FAM167B: variants seen among roughly 807,000 people sequenced by gnomAD.
The protein encoded by FAM167B is family with sequence similarity 167 member B, also known as protein FAM167B.
Under a neutral mutation model 15.4 loss-of-function variants are expected in FAM167B, and 7 were observed. The ratio of observed to expected loss-of-function variants is 0.46; its 90% CI spans 0.26 to 0.86. The LOEUF (loss-of-function observed/expected upper bound fraction) is 0.86. Ranked by LOEUF, FAM167B falls within the 40% of genes least tolerant of loss-of-function variation. FAM167B has a pLI of 0.17. For missense variants in FAM167B, 207 were observed against 208.3 expected (o/e 0.99, Z 0.04); for synonymous variants, 100 against 94.6 (o/e 1.06, Z -0.33).
chr1:32,248,399 T>C lies in FAM167B; in HGVS notation c.290T>C (p.Leu97Pro), dbSNP rs1440461195. Residue 97 changes from leucine (L) to proline (P), a missense_variant, in exon 2 of 2, where the codon CTG becomes CCG. Physicochemically the swap from Leu to Pro is moderately conservative, Grantham distance 98. Coordinates refer to ENST00000373582, the MANE Select transcript of FAM167B (RefSeq NM_032648.3). ...GAGATGCAGGCGCAGGACAGGCAGC[T>C]GGCAGGGCAGCTGCTGCGGCTGCGG... ...LREMQAQDRQLAGQLLRLRAQ... is the reference protein window; with the variant it reads ...LREMQAQDRQPAGQLLRLRAQ... 5.0e-6 allele frequency: 8 copies of C among 1,593,204 alleles called. No homozygotes were observed. In the African/African-American group the frequency reaches 8.0e-5, roughly 16 times the overall value.
Position 32,247,318 on chromosome 1 carries a change from C to T in FAM167B, c.-104C>T. ...TGACCACCACACACTCCCTGGCACG[C>T]TCTTCTCACCCTCAACTTCTGCCAC... On this transcript the variant is annotated 5_prime_UTR_variant, in exon 1 of 2. Transcript: ENST00000373582. The T allele has an allele frequency of 7.0e-7, 1 of 1,421,712 alleles. No individual in the cohort carries two copies. The highest frequency in any genetic ancestry group is 9.3e-7 in the Non-Finnish European group (1 of 1,075,230). 88.1% of individuals were successfully genotyped at this position (1,421,712 alleles called of 1,614,324 possible).
rs769544178 is a variant in FAM167B at position 32,247,475 on chromosome 1, T to C, written c.54T>C (p.Asp18=). The change falls in exon 1 of 2, where the codon GAT becomes GAC. Residue 18 remains aspartate (D), a synonymous_variant. Transcript: ENST00000373582. ...CAGTGGGTGAAGAGGACGAGGAGGA[T>C]GAGGAGGGGGAGAGCCTGGACTCTG... is the stretch of plus-strand genomic sequence containing the variant. ...FQAVGEEDEE[D]EEGESLDSVK... is the part of the protein sequence containing the mutation. 3 of 1,597,298 alleles carry C rather than the reference T, an allele frequency of 1.9e-6. No individual in the cohort carries two copies. In the African/African-American group the frequency reaches 4.0e-5, roughly 22 times the overall value.
chr1:32,247,321 T>C lies in FAM167B; in HGVS notation c.-101T>C. The C allele has an allele frequency of 7.0e-7, 1 of 1,435,866 alleles. No homozygotes were observed. Among genetic ancestry groups the C allele is most frequent in the Non-Finnish European group, 9.2e-7 (1 of 1,086,110 alleles). 88.9% of individuals were successfully genotyped at this position (1,435,866 alleles called of 1,614,324 possible). A position where few individuals can be genotyped will look rare whatever the true frequency, so the allele number is the denominator to read the frequency against. ...CCACCACACACTCCCTGGCACGCTC[T>C]TCTCACCCTCAACTTCTGCCACCTC... On this transcript the variant is annotated 5_prime_UTR_variant, in exon 1 of 2. Coordinates refer to ENST00000373582, the MANE Select transcript of FAM167B (RefSeq NM_032648.3).
rs1041371404 is a variant in FAM167B, at chr1:32,248,600, G to A, written c.491G>A (p.Ter164=). ...AGCGCCCGGCGCTTCACCCTCTGCTGAGGAACACCTGTGCCCCCCGACTCC... is the reference window on the plus strand; with the variant it reads ...AGCGCCCGGCGCTTCACCCTCTGCTAAGGAACACCTGTGCCCCCCGACTCC... ...NISARRFTLC[*] The change falls in exon 2 of 2, where the codon TGA becomes TAA. Residue 164 remains the stop codon, a stop_retained_variant. Transcript: ENST00000373582. 4.6e-6 allele frequency: 7 copies of A among 1,534,716 alleles called. No individual in the cohort carries two copies. The African/African-American group carries it at 9.6e-5, about 21-fold the overall frequency.
rs1219148559 is a variant in FAM167B, at chr1:32,248,645, C to T, written c.*44C>T. ...GACTCCCCGCCCCCTCTCCCAATGCCGCTTCCCCTGCCTGCCTGGGAAGAG... is the reference window on the plus strand; with the variant it reads ...GACTCCCCGCCCCCTCTCCCAATGCTGCTTCCCCTGCCTGCCTGGGAAGAG... On this transcript the variant is annotated 3_prime_UTR_variant, in exon 2 of 2. Transcript: ENST00000373582. The T allele has an allele frequency of 6.9e-7, 1 of 1,456,034 alleles. No homozygotes were observed. The highest frequency in any genetic ancestry group is 2.3e-5 in the Admixed American group (1 of 44,274). 90.2% of individuals were successfully genotyped at this position (1,456,034 alleles called of 1,614,324 possible). A position where few individuals can be genotyped will look rare whatever the true frequency, so the allele number is the denominator to read the frequency against.
rs201866460 is a variant in FAM167B, at chr1:32,247,466, C to T, written c.45C>T (p.Asp15=). Residue 15 remains aspartate, a synonymous_variant, in exon 1 of 2, where the codon GAC becomes GAT. Coordinates refer to ENST00000373582, the MANE Select transcript of FAM167B (RefSeq NM_032648.3). ...AATTCCAGGCAGTGGGTGAAGAGGA[C>T]GAGGAGGATGAGGAGGGGGAGAGCC... ...LLKFQAVGEE[D]EEDEEGESLD... is the part of the protein sequence containing the mutation. 7.3e-5 allele frequency: 116 copies of T among 1,592,082 alleles called. No individual in the cohort carries two copies. In the Middle Eastern group the frequency reaches 1.2e-3, roughly 16 times the overall value.
chr1:32,247,296 C>T lies in FAM167B; in HGVS notation c.-126C>T. ...CCCCCTAACCCACCTTGAACATTGACCACCACACACTCCCTGGCACGCTCT... is the reference window on the plus strand; with the variant it reads ...CCCCCTAACCCACCTTGAACATTGATCACCACACACTCCCTGGCACGCTCT... On this transcript the variant is annotated 5_prime_UTR_variant, in exon 1 of 2. Coordinates refer to ENST00000373582, the MANE Select transcript of FAM167B (RefSeq NM_032648.3). 1 of 1,308,670 alleles carries T rather than the reference C, an allele frequency of 7.6e-7. No homozygotes were observed. The highest frequency in any genetic ancestry group is 2.9e-5 in the Admixed American group (1 of 35,022). The allele number at this position is 1,308,670 out of a possible 1,614,324, so 81.1% of individuals were successfully genotyped here.
At chr1:32,247,727 G>A in intron 1 of FAM167B, 45 bp downstream of exon 1, 1 of 1,447,752 alleles carries the variant, frequency 6.9e-7, no homozygotes, top group South Asian at 1.6e-5. Flanking sequence ...CCTTCAGGCT[G>A]GTCCTCCTTA....
rs201497447 is a variant in FAM167B at position 32,247,472 on chromosome 1, G to A, written c.51G>A (p.Glu17=). Residue 17 remains glutamate, a synonymous_variant, in exon 1 of 2, where the codon GAG becomes GAA. Transcript: ENST00000373582. ...AGGCAGTGGGTGAAGAGGACGAGGA[G>A]GATGAGGAGGGGGAGAGCCTGGACT... ...KFQAVGEEDE[E]DEEGESLDSV... 6 of 1,598,320 alleles carry A rather than the reference G, an allele frequency of 3.8e-6. No homozygotes were observed. The African/African-American group carries it at 5.4e-5, about 14-fold the overall frequency.
rs755694546 is a variant in FAM167B at position 32,247,589 on chromosome 1, C to T, written c.168C>T (p.Arg56=). Residue 56 remains arginine, a synonymous_variant, in exon 1 of 2, where the codon CGC becomes CGT. Coordinates refer to ENST00000373582, the MANE Select transcript of FAM167B (RefSeq NM_032648.3). ...WTAQVQSQAW[R]RAQAKPGPGG... is the part of the protein sequence containing the mutation. ...CCCAGGTCCAGAGCCAGGCCTGGCG[C>T]AGGGCCCAAGCCAAACCTGGACCAG... The T allele has an allele frequency of 6.4e-6, 10 of 1,573,900 alleles. No individual in the cohort carries two copies. The highest frequency in any genetic ancestry group is 7.8e-6 in the Non-Finnish European group (9 of 1,159,154).
At position 32,248,429 on chromosome 1, in the gene FAM167B, A is replaced by T; in HGVS notation, c.320A>T (p.Gln107Leu). 1.2e-6 allele frequency: 2 copies of T among 1,603,082 alleles called. No individual in the cohort carries two copies. The highest frequency in any genetic ancestry group is 1.7e-6 in the Non-Finnish European group (2 of 1,177,810). ...LAGQLLRLRA[Q>L]LHRLKMDQAC... ...GGGCAGCTGCTGCGGCTGCGGGCCCAGCTGCACCGACTGAAGATGGACCAA... is the reference window on the plus strand; with the variant it reads ...GGGCAGCTGCTGCGGCTGCGGGCCCTGCTGCACCGACTGAAGATGGACCAA... The change falls in exon 2 of 2, where the codon CAG (glutamine) becomes CTG (leucine). Residue 107 changes from glutamine to leucine, a missense_variant. Gln to Leu is a moderately radical substitution (Grantham distance 113). Transcript: ENST00000373582.
chr1:32,247,548 T>C lies in FAM167B; in HGVS notation c.127T>C (p.Tyr43His). 1 of 1,606,528 alleles carries C rather than the reference T, an allele frequency of 6.2e-7. No individual in the cohort carries two copies. The highest frequency in any genetic ancestry group is 8.5e-7 in the Non-Finnish European group (1 of 1,176,408). Reference sequence around the variant, plus strand: ...GCAGCTGCAGACTCGGCGGCCCTCATATCTGGAGTGGACAGCCCAGGTCCA... The same window carrying C: ...GCAGCTGCAGACTCGGCGGCCCTCACATCTGGAGTGGACAGCCCAGGTCCA... ...KLQLQTRRPS[Y>H]LEWTAQVQSQ... Residue 43 changes from tyrosine (Y) to histidine (H), a missense_variant, in exon 1 of 2, where the codon TAT becomes CAT. Transcript: ENST00000373582.
Position 32,247,420 on chromosome 1 carries a change from C to T in FAM167B, c.-2C>T. The T allele has an allele frequency of 2.6e-6, 4 of 1,528,818 alleles. No homozygotes were observed. Among genetic ancestry groups the T allele is most frequent in the Admixed American group, 2.0e-5 (1 of 49,514 alleles). 94.7% of individuals were successfully genotyped at this position (1,528,818 alleles called of 1,614,324 possible). On this transcript the variant is annotated 5_prime_UTR_variant, in exon 1 of 2. Coordinates refer to ENST00000373582, the MANE Select transcript of FAM167B (RefSeq NM_032648.3). Reference sequence around the variant, plus strand: ...TGCCCTGTCACTCACCTCAAACCTGCCATGTCCCTGGGGCTACTGAAATTC... The same window carrying T: ...TGCCCTGTCACTCACCTCAAACCTGTCATGTCCCTGGGGCTACTGAAATTC...
Position 32,247,643 on chromosome 1 carries a change from C to T in FAM167B, c.222C>T (p.Asp74=). The change falls in exon 1 of 2, where the codon GAC becomes GAT. Residue 74 remains aspartate, a synonymous_variant. Coordinates refer to ENST00000373582, the MANE Select transcript of FAM167B (RefSeq NM_032648.3). ...PGGPGDICGF[D]SMDSALEWLR... is the part of the protein sequence containing the mutation. Reference sequence around the variant, plus strand: ...GACCTGGGGACATCTGTGGTTTCGACTCAATGGACTCCGCCCTTGAGTGGC... The same window carrying T: ...GACCTGGGGACATCTGTGGTTTCGATTCAATGGACTCCGCCCTTGAGTGGC... 6.7e-7 allele frequency: 1 copy of T among 1,492,328 alleles called. No homozygotes were observed. Among genetic ancestry groups the T allele is most frequent in the Non-Finnish European group, 8.9e-7 (1 of 1,117,618 alleles). 92.4% of individuals were successfully genotyped at this position (1,492,328 alleles called of 1,614,324 possible).
Position 32,247,532 on chromosome 1 carries a change from G to C in FAM167B, c.111G>C (p.Gln37His), listed in dbSNP as rs371605638. 1.6e-5 allele frequency: 26 copies of C among 1,607,922 alleles called. No homozygotes were observed. Among genetic ancestry groups the C allele is most frequent in the Admixed American group, 3.4e-5 (2 of 59,118 alleles). Residue 37 changes from glutamine (Q) to histidine (H), a missense_variant, in exon 1 of 2, where the codon CAG (glutamine) becomes CAC (histidine). Physicochemically the swap from Gln to His is conservative, Grantham distance 24 (BLOSUM62 0). Transcript: ENST00000373582. ...VKALTAKLQL[Q>H]TRRPSYLEWT... ...CACTGACAGCCAAGCTGCAGCTGCA[G>C]ACTCGGCGGCCCTCATATCTGGAGT...
rs907058552 is a variant in FAM167B, at chr1:32,247,269, G to GC, written c.-147dup. The stretch of plus-strand genomic sequence containing the variant: ...CTGCTCACTCACCCTGGCACATTCA[G>GC]CCCCCCTAACCCACCTTGAACATTG... On this transcript the variant is annotated 5_prime_UTR_variant, in exon 1 of 2. Transcript: ENST00000373582. 1.3e-5 allele frequency: 13 copies of GC among 1,004,728 alleles called. No homozygotes were observed. Among genetic ancestry groups the GC allele is most frequent in the Admixed American group, 1.3e-4 (4 of 31,308 alleles). The allele number at this position is 1,004,728 out of a possible 1,614,324, so 62.2% of individuals were successfully genotyped here.
rs775773111 is a variant in FAM167B, at chr1:32,248,490, C to T, written c.381C>T (p.Ala127=). The change falls in exon 2 of 2, where the codon GCC becomes GCT. Residue 127 remains alanine (A), a synonymous_variant. Coordinates refer to ENST00000373582, the MANE Select transcript of FAM167B (RefSeq NM_032648.3). ...CHLHQELLDE[A]ELELELEPGA... is the part of the protein sequence containing the mutation. ...TGCACCAGGAGCTGCTGGATGAGGCCGAGCTGGAGCTGGAGCTGGAGCCCG... is the reference window on the plus strand; with the variant it reads ...TGCACCAGGAGCTGCTGGATGAGGCTGAGCTGGAGCTGGAGCTGGAGCCCG... The T allele has an allele frequency of 5.6e-6, 9 of 1,595,808 alleles. No homozygotes were observed. The highest frequency in any genetic ancestry group is 6.8e-6 in the Non-Finnish European group (8 of 1,173,286).
rs1213398349 is a variant in FAM167B, at chr1:32,247,275, CT to C, written c.-146del. The C allele has an allele frequency of 7.1e-6, 8 of 1,127,846 alleles. No homozygotes were observed. Among genetic ancestry groups the C allele is most frequent in the South Asian group, 4.3e-5 (2 of 46,098 alleles). 69.9% of individuals were successfully genotyped at this position (1,127,846 alleles called of 1,614,324 possible). ...ACTCACCCTGGCACATTCAGCCCCC[CT>C]AACCCACCTTGAACATTGACCACCA... is the stretch of plus-strand genomic sequence containing the variant. On this transcript the variant is annotated 5_prime_UTR_variant, in exon 1 of 2. Coordinates refer to ENST00000373582, the MANE Select transcript of FAM167B (RefSeq NM_032648.3).
intron 1 of FAM167B, 112 bp downstream of exon 1, chr1:32,247,794 CG>C: frequency 9.6e-7 from 1 of 1,042,272 alleles, no homozygotes; most frequent in South Asian, 2.4e-5. Context: ...CTCCAGCAAC[CG>C]CCCGCTCCGG....
Sources: gnomAD v4.1 joint callset for allele counts on GRCh38, gnomAD v4.1.1 for gene constraint, MANE v1.5 for transcripts, NCBI Gene and HGNC (gene_info 2026-07-23, HGNC 2026-07-21) for gene names.